The following DYNC2H1 variants were observed in gnomAD, a reference collection of about 807,000 sequenced individuals.
DYNC2H1 encodes the protein cytoplasmic dynein 2 heavy chain 1.
A neutral mutation model predicts 570.0 loss-of-function variants in DYNC2H1; 410 were observed. That is an observed-to-expected ratio of 0.72 (90% confidence interval 0.66 to 0.78). The LOEUF (loss-of-function observed/expected upper bound fraction) is 0.78. DYNC2H1 is among the 30% of genes least tolerant of loss of function. The probability of loss-of-function intolerance (pLI) is 0.00; values close to 1 mark genes in which losing one functional copy is unlikely to be tolerated. For missense variants in DYNC2H1, 4,865 were observed against 5,046.4 expected (o/e 0.96, Z 1.09); for synonymous variants, 1,688 against 1,677.6 (o/e 1.01, Z -0.15).
intron 1 of DYNC2H1, among the ~76,000 whole-genome samples, 189 bp downstream of exon 1, chr11:103,109,958 A>G (rs1858031694): frequency 6.6e-6 from 1 of 152,156 alleles, no homozygotes; most frequent in South Asian, 2.1e-4. Context: ...GTAGTTTCCA[A>G]GCTTTGCATC....
rs1591323142 is a variant in DYNC2H1 at position 103,152,126 on chromosome 11, TAACCTTTAGA to T, written c.2947-9_2947del. The T allele has an allele frequency of 6.3e-6, 10 of 1,587,486 alleles. No individual in the cohort carries two copies. The highest frequency in any genetic ancestry group is 2.7e-5 in the African/African-American group (2 of 73,878). On this transcript the variant is annotated splice_acceptor_variant and splice_polypyrimidine_tract_variant and coding_sequence_variant and intron_variant, in exon 21 of 89. Transcript: ENST00000375735. LOFTEE classifies it high-confidence loss of function. ...GTTATTCAATTTGTTTTTTTTTTTT[TAACCTTTAGA>T]TTTTGCCCTTATTTCAAGAAGCTGA...
At chr11:103,146,117 G>T (rs1341160079) in intron 18 of DYNC2H1, among the ~76,000 whole-genome samples, 1 of 152,062 alleles carries the variant, frequency 6.6e-6, no homozygotes, top group East Asian at 1.9e-4. Context: ...TGGTTGTTAA[G>T]AACTGTAGTT....
At chr11:103,433,323 A>G (rs1425738293) in intron 84 of DYNC2H1, among the ~76,000 whole-genome samples, 3 of 152,176 alleles carry the variant, frequency 2.0e-5, no homozygotes, top group Non-Finnish European at 4.4e-5. Context: ...ATGGATGAAT[A>G]ATGACTTAAA....
intron 82 of DYNC2H1, among the ~76,000 whole-genome samples, chr11:103,340,087 T>C (rs1939368097): frequency 6.6e-6 from 1 of 152,236 alleles, no homozygotes; most frequent in African/African-American, 2.4e-5. Flanking sequence ...TCCTACCCTT[T>C]TAAATGCCTC....
chr11:103,131,141 T>C (rs1859245647), intron 13 of DYNC2H1, among the ~76,000 whole-genome samples: 1 of 152,178 alleles, frequency 6.6e-6, no homozygotes, highest in South Asian at 2.1e-4. Context: ...CTTCAGTCTC[T>C]CTACTTCCAT....
chr11:103,223,787 C>T (rs1451033472), intron 59 of DYNC2H1, among the ~76,000 whole-genome samples: 4 of 147,472 alleles, frequency 2.7e-5, no homozygotes, highest in East Asian at 2.0e-4. Flanking sequence ...CTTGCTCTGT[C>T]GCCAGGCTGG....
At position 103,372,318 on chromosome 11, in the gene DYNC2H1, C is replaced by T. The variant is rs1167436535; in HGVS notation, c.12156+13959C>T. On this transcript the variant is annotated intron_variant, in intron 83 of 88. Coordinates refer to ENST00000375735, the MANE Select transcript of DYNC2H1 (RefSeq NM_001377.3). ...ACAGGCGTGAGCCTCCGCGCCCAGCCTTTATCTCGTTCTTGATCTTAACAT... is the reference window on the plus strand; with the variant it reads ...ACAGGCGTGAGCCTCCGCGCCCAGCTTTTATCTCGTTCTTGATCTTAACAT... Among the ~76,000 whole-genome samples the T allele has an allele frequency of 2.0e-5, 3 of 152,072 alleles. No individual in the cohort carries two copies. In the South Asian group the frequency reaches 6.2e-4, roughly 32 times the overall value.
chr11:103,149,642 G>T (rs1565343925), intron 20 of DYNC2H1, among the ~76,000 whole-genome samples: 1 of 152,176 alleles, frequency 6.6e-6, no homozygotes, highest in Non-Finnish European at 1.5e-5. Flanking sequence ...ATGGTTATGA[G>T]CTGTGGCAGT....
intron 82 of DYNC2H1, among the ~76,000 whole-genome samples, chr11:103,356,396 T>C (rs1253906432): frequency 6.6e-6 from 1 of 152,186 alleles, no homozygotes; most frequent in Non-Finnish European, 1.5e-5. Flanking sequence ...TCACATGTTA[T>C]TTTTCTTGGA....
At chr11:103,136,467 C>T (rs375951066) in intron 17 of DYNC2H1, among the ~76,000 whole-genome samples, 1 of 150,794 alleles carries the variant, frequency 6.6e-6, no homozygotes, top group African/African-American at 2.4e-5. Context: ...TGAGTGAGAA[C>T]ATGCGGTGTT....
chr11:103,164,592 C>T (rs1861223576), intron 30 of DYNC2H1, among the ~76,000 whole-genome samples: 1 of 152,098 alleles, frequency 6.6e-6, no homozygotes, highest in African/African-American at 2.4e-5. Flanking sequence ...AAATATTAAT[C>T]TTTGCTAGTT....
Position 103,135,569 on chromosome 11 carries a change from G to C in DYNC2H1, c.2280G>C (p.Gln760His). The C allele has an allele frequency of 6.2e-7, 1 of 1,613,204 alleles. No homozygotes were observed. The highest frequency in any genetic ancestry group is 8.5e-7 in the Non-Finnish European group (1 of 1,179,584). Residue 760 changes from glutamine (Q) to histidine (H), a missense_variant, in exon 16 of 89, where the codon CAG becomes CAC. Physicochemically the swap from Gln to His is conservative, Grantham distance 24. Around this residue, in one of 5 missense-constraint regions of DYNC2H1, gnomAD observed 1,936 missense variants for 1,962.1 expected, o/e 0.99. Transcript: ENST00000375735. ...NHQLYKALEH[Q>H]YQMGLEALNE... ...AACTGTACAAAGCTCTGGAGCATCA[G>C]TACCAGATGGGCTTAGAAGCACTTA...
In DYNC2H1 at chr11:103,259,932, A is replaced by G. The variant is rs185562630; in HGVS notation, c.10650A>G (p.Ser3550=). The G allele has an allele frequency of 5.9e-4, 911 of 1,540,300 alleles. 3 individuals are homozygous for G. The African/African-American group carries it at 0.011, about 19-fold the overall frequency. ...AGAGAATCCAGTCACTTATCAGCTCATTACAACATATGGTATATGAATATA... is the reference window on the plus strand; with the variant it reads ...AGAGAATCCAGTCACTTATCAGCTCGTTACAACATATGGTATATGAATATA... ...TEQRIQSLIS[S]LQHMVYEYIC... Residue 3550 remains serine, a synonymous_variant, in exon 70 of 89, where the codon TCA becomes TCG. Transcript: ENST00000375735.
At chr11:103,272,158 G>A (rs1865733476) in intron 70 of DYNC2H1, among the ~76,000 whole-genome samples, 1 of 152,190 alleles carries the variant, frequency 6.6e-6, no homozygotes, top group South Asian at 2.1e-4. Context: ...CAATAGCAAA[G>A]ACTTGGAACC....
intron 84 of DYNC2H1, among the ~76,000 whole-genome samples, chr11:103,435,570 T>A (rs1944032566): frequency 6.6e-6 from 1 of 152,126 alleles, no homozygotes; most frequent in Admixed American, 6.6e-5. Flanking sequence ...ACTGCTCTAT[T>A]TATAGTTTTA....
rs767195880 is a variant in DYNC2H1, at chr11:103,220,278, G to A, written c.8946+250G>A. 2.4e-3 allele frequency among the ~76,000 whole-genome samples: 359 copies of A among 152,264 alleles called. 6 individuals are homozygous for A. Among genetic ancestry groups the A allele is most frequent in the Non-Finnish European group, 2.9e-3 (196 of 68,002 alleles). On this transcript the variant is annotated intron_variant, in intron 56 of 88. Transcript: ENST00000375735. ...GGTTTTGATTGCAGAGGGAAAAAAT[G>A]TGTTAGATAAATTAAGATATACTGT... is the stretch of plus-strand genomic sequence containing the variant.
chr11:103,441,822 G>A (rs1857598985), intron 85 of DYNC2H1, among the ~76,000 whole-genome samples: 2 of 151,962 alleles, frequency 1.3e-5, no homozygotes, highest in African/African-American at 4.8e-5. Context: ...AATGTAAAAA[G>A]CAATTTATTA....
chr11:103,443,982 T>TA (rs1188559294), intron 85 of DYNC2H1, among the ~76,000 whole-genome samples: 4 of 151,884 alleles, frequency 2.6e-5, no homozygotes, highest in Admixed American at 6.6e-5. Flanking sequence ...CAAAGTAACT[T>TA]ACGATTAAAT....
intron 82 of DYNC2H1, among the ~76,000 whole-genome samples, chr11:103,337,654 T>C (rs1939217664): frequency 6.6e-6 from 1 of 152,362 alleles, no homozygotes; most frequent in South Asian, 2.1e-4. Flanking sequence ...GATTGTTTTC[T>C]ATACCCGTTG....
Sources: allele counts gnomAD v4.1 joint callset (sites outside exome capture counted in the v4.1 genomes callset), GRCh38; gene constraint gnomAD v4.1.1; regional missense constraint gnomAD v4.1.1; transcripts MANE v1.5; gene names NCBI Gene and HGNC (gene_info 2026-07-23, HGNC 2026-07-21).